Variants in TRIM9 observed in about 807,000 individuals in gnomAD.
The protein encoded by TRIM9 is tripartite motif containing 9, also known as E3 ubiquitin-protein ligase TRIM9.
A neutral mutation model predicts 78.3 loss-of-function variants in TRIM9; 26 were observed. That is an observed-to-expected ratio of 0.33 (90% confidence interval 0.24 to 0.46). TRIM9 has a LOEUF of 0.46. Ranked by LOEUF, TRIM9 falls within the 20% of genes least tolerant of loss-of-function variation. The pLI, the probability that TRIM9 is intolerant of heterozygous loss-of-function variation, is 1.00. For missense variants in TRIM9, 787 were observed against 1,036.4 expected, an observed-to-expected ratio of 0.76 and a Z score of 3.30; for synonymous variants, 398 against 416.5, an observed-to-expected ratio of 0.96 and a Z score of 0.54.
intron 5 of TRIM9, among the ~76,000 whole-genome samples, chr14:51,006,723 T>C (rs2055847499): frequency 6.6e-6 from 1 of 152,218 alleles, no homozygotes; most frequent in South Asian, 2.1e-4. Context: ...GTTAACTTCA[T>C]GAATCATTGT....
At position 51,095,020 on chromosome 14, in the gene TRIM9, A is replaced by C; in HGVS notation, c.-81T>G. ...GGTGGCCGACGGGCCCGTCTTGTCCAGCACCCTGGCCAGCGGCGGCGGCTG... is the reference window on the plus strand; with the variant it reads ...GGTGGCCGACGGGCCCGTCTTGTCCCGCACCCTGGCCAGCGGCGGCGGCTG... On this transcript the variant is annotated 5_prime_UTR_variant, in exon 1 of 13. Transcript: ENST00000684578. 8.9e-7 allele frequency: 1 copy of C among 1,126,596 alleles called. No individual in the cohort carries two copies. The highest frequency in any genetic ancestry group is 1.2e-6 in the Non-Finnish European group (1 of 859,394). 69.8% of individuals were successfully genotyped at this position (1,126,596 alleles called of 1,614,324 possible).
In TRIM9 at chr14:51,069,592, G is replaced by A. The variant is rs138545015; in HGVS notation, c.822+24526C>T. On this transcript the variant is annotated intron_variant, in intron 1 of 12. Transcript: ENST00000684578. ...CAAGCCAGGCATGGTGAAGGCATGT[G>A]TTTGATTTGTTTCATGGCATTGTTG... 7.9e-5 allele frequency among the ~76,000 whole-genome samples: 12 copies of A among 152,330 alleles called. No individual in the cohort carries two copies. The East Asian group carries it at 2.3e-3, about 29-fold the overall frequency.
chr14:51,046,421 T>TA (rs1307069243), intron 1 of TRIM9, among the ~76,000 whole-genome samples: 21 of 152,204 alleles, frequency 1.4e-4, no homozygotes, highest in Admixed American at 7.2e-4. Flanking sequence ...TGTTACACTG[T>TA]ACTATGGTTT....
At chr14:51,080,436 A>AACACACAC (rs34062978) in intron 1 of TRIM9, among the ~76,000 whole-genome samples, 7 of 143,924 alleles carry the variant, frequency 4.9e-5, no homozygotes, top group African/African-American at 1.3e-4. Context: ...AGTTTTATTG[A>AACACACAC]ACACACACAC....
At chr14:50,987,931 G>A (rs1051704601) in intron 7 of TRIM9, among the ~76,000 whole-genome samples, 2 of 152,116 alleles carry the variant, frequency 1.3e-5, no homozygotes, top group Admixed American at 1.3e-4. Context: ...CTCCAGAGTA[G>A]CAGGGACTAC....
chr14:51,093,669 C>T (rs1022469184), intron 1 of TRIM9, among the ~76,000 whole-genome samples: 53 of 152,216 alleles, frequency 3.5e-4, no homozygotes, highest in Admixed American at 5.2e-4. Context: ...GCGACAGACT[C>T]CCGCCGTCCG....
intron 3 of TRIM9, among the ~76,000 whole-genome samples, chr14:51,013,653 TG>T (rs1298334925): frequency 9.2e-5 from 14 of 152,148 alleles, no homozygotes; most frequent in Non-Finnish European, 1.9e-4. Flanking sequence ...TTGTGAGTTT[TG>T]GGGGGATCAA....
Position 50,981,811 on chromosome 14 carries a change from C to A in TRIM9, c.2151G>T (p.Ser717=), listed in dbSNP as rs146015079. Residue 717 remains serine, a synonymous_variant, in exon 11 of 13, where the codon TCG becomes TCT. Transcript: ENST00000684578. Reference sequence around the variant, plus strand: ...GGGCTGCAGGGTACCTGTTGGTGTGCGAGTTGTTGTGCATGAACCAGCTCC... The same window carrying A: ...GGGCTGCAGGGTACCTGTTGGTGTGAGAGTTGTTGTGCATGAACCAGCTCC... ...NNRSWFMHNN[S]HTNRTEGGIT... The A allele has an allele frequency of 5.8e-4, 929 of 1,614,076 alleles. 10 individuals are homozygous for A. The East Asian group carries it at 0.019, about 33-fold the overall frequency.
At chr14:50,996,753 A>C (rs937371928) in intron 7 of TRIM9, 1 of 985,300 alleles carries the variant, frequency 1.0e-6, no homozygotes, top group African/African-American at 1.7e-5. Context: ...TGCTAAAATG[A>C]TAATTCTGGG....
intron 1 of TRIM9, among the ~76,000 whole-genome samples, chr14:51,033,506 T>C (rs575145385): frequency 3.0e-4 from 45 of 152,348 alleles, no homozygotes; most frequent in Non-Finnish European, 5.9e-4. Flanking sequence ...ATTCAAACAG[T>C]GGGGTAGACT....
chr14:51,080,731 G>GGTAA (rs1356406860), intron 1 of TRIM9, among the ~76,000 whole-genome samples: 1 of 152,058 alleles, frequency 6.6e-6, no homozygotes, highest in East Asian at 1.9e-4. Context: ...ATACTGCCAT[G>GGTAA]GTAACCCTTA....
chr14:51,039,900 C>T (rs924406497), intron 1 of TRIM9, among the ~76,000 whole-genome samples: 5 of 152,090 alleles, frequency 3.3e-5, no homozygotes, highest in African/African-American at 1.2e-4. Context: ...GCGCCCGCCA[C>T]CACGCCCAGC....
chr14:51,074,493 A>G (rs1389911612), intron 1 of TRIM9, among the ~76,000 whole-genome samples: 1 of 152,216 alleles, frequency 6.6e-6, no homozygotes, highest in Non-Finnish European at 1.5e-5. Context: ...CCTCTCTTGC[A>G]GAATGAGAAG....
intron 1 of TRIM9, among the ~76,000 whole-genome samples, chr14:51,083,423 TA>T (rs200045628): frequency 1.5e-5 from 2 of 130,982 alleles, no homozygotes; most frequent in East Asian, 2.0e-4. Flanking sequence ...CCCAGCTAAT[TA>T]AAAAAAATTT....
At chr14:51,092,431 T>C (rs1262511536) in intron 1 of TRIM9, among the ~76,000 whole-genome samples, 1 of 152,232 alleles carries the variant, frequency 6.6e-6, no homozygotes, top group Non-Finnish European at 1.5e-5. Context: ...AAAATATCAA[T>C]GTTCCAGCCT....
chr14:51,052,376 C>T (rs959107344), intron 1 of TRIM9, among the ~76,000 whole-genome samples: 1 of 152,056 alleles, frequency 6.6e-6, no homozygotes, highest in African/African-American at 2.4e-5. Flanking sequence ...CTTCAAAAAC[C>T]TTTTTACCTC....
chr14:51,004,198 CTGAT>C, intron 5 of TRIM9, among the ~76,000 whole-genome samples: 1 of 152,158 alleles, frequency 6.6e-6, no homozygotes, highest in Non-Finnish European at 1.5e-5. Context: ...TTCCCCTGAC[CTGAT>C]CAGGGTTCCA....
chr14:51,032,059 A>G (rs1410026251), intron 1 of TRIM9, among the ~76,000 whole-genome samples: 1 of 152,166 alleles, frequency 6.6e-6, no homozygotes, highest in African/African-American at 2.4e-5. Flanking sequence ...ACAAATATTC[A>G]CACCAAAAGC....
chr14:51,095,039 G>A lies in TRIM9; in HGVS notation c.-100C>T. The A allele has an allele frequency of 2.2e-6, 2 of 927,248 alleles. No individual in the cohort carries two copies. Among genetic ancestry groups the A allele is most frequent in the Non-Finnish European group, 2.9e-6 (2 of 688,956 alleles). The allele number at this position is 927,248 out of a possible 1,614,324, so 57.4% of individuals were successfully genotyped here. ...TTGTCCAGCACCCTGGCCAGCGGCGGCGGCTGTGGTGGTGGTGCCTTCCCG... is the reference window on the plus strand; with the variant it reads ...TTGTCCAGCACCCTGGCCAGCGGCGACGGCTGTGGTGGTGGTGCCTTCCCG... On this transcript the variant is annotated 5_prime_UTR_variant, in exon 1 of 13. Transcript: ENST00000684578.
Sources: gnomAD v4.1 joint callset for allele counts (sites outside exome capture counted in the v4.1 genomes callset) on GRCh38, gnomAD v4.1.1 for gene constraint, MANE v1.5 for transcripts, NCBI Gene and HGNC (gene_info 2026-07-23, HGNC 2026-07-21) for gene names.